Variants in NBAS observed in about 807,000 individuals in gnomAD.
NBAS encodes NAG/BC035112 fusion.
A neutral mutation model predicts 302.5 loss-of-function variants in NBAS; 219 were observed. The ratio of observed to expected loss-of-function variants is 0.72; its 90% confidence interval spans 0.65 to 0.81. The LOEUF is 0.81. Ranked by LOEUF, NBAS falls within the 30% of genes least tolerant of loss-of-function variation. The pLI is 0.00. For missense variants in NBAS, 2,932 were observed against 2,841.6 expected, an observed-to-expected ratio of 1.03 and a Z score of -0.72; for synonymous variants, 1,118 against 1,021.6, an observed-to-expected ratio of 1.09 and a Z score of -1.80.
At chr2:14,983,547 AT>A in the NBAS span, among the ~76,000 whole-genome samples, 17 of 152,334 alleles carry the variant, frequency 1.1e-4, no homozygotes, top group South Asian at 3.5e-3. Context: ...AAGGGCCCAA[AT>A]ATAAGTCCCC....
the NBAS span, among the ~76,000 whole-genome samples, chr2:15,084,815 C>A: frequency 6.6e-6 from 1 of 152,146 alleles, no homozygotes; most frequent in South Asian, 2.1e-4. Flanking sequence ...ATTTAGGCAA[C>A]GTGAAGCAAA....
intron 47 of NBAS, among the ~76,000 whole-genome samples, chr2:15,231,409 C>T (rs1667377091): frequency 6.6e-6 from 1 of 152,134 alleles, no homozygotes; most frequent in African/African-American, 2.4e-5. Flanking sequence ...ATGAAGGCAT[C>T]GGCATCTGAG....
chr2:15,524,231 G>A (rs930693570), intron 9 of NBAS, among the ~76,000 whole-genome samples: 3 of 152,144 alleles, frequency 2.0e-5, no homozygotes, highest in African/African-American at 4.8e-5. Flanking sequence ...TGCCCTATTC[G>A]GGAGACACGT....
the NBAS span, among the ~76,000 whole-genome samples, chr2:15,000,191 C>A: frequency 6.6e-6 from 1 of 152,210 alleles, no homozygotes; most frequent in Non-Finnish European, 1.5e-5. Context: ...CTTAATCTCA[C>A]TGGGCTGGGA....
At chr2:15,091,792 C>T in the NBAS span, among the ~76,000 whole-genome samples, 2 of 152,174 alleles carry the variant, frequency 1.3e-5, no homozygotes, top group Non-Finnish European at 2.9e-5. Context: ...CTCGGCCTCC[C>T]GAAGGGCTGG....
the NBAS span, among the ~76,000 whole-genome samples, chr2:15,107,214 T>C: frequency 1.3e-5 from 2 of 151,896 alleles, no homozygotes; most frequent in South Asian, 2.1e-4. Flanking sequence ...CTTATAAAAA[T>C]AGGGAGAGAA....
intron 26 of NBAS, among the ~76,000 whole-genome samples, chr2:15,397,045 T>C (rs1328427798): frequency 6.6e-6 from 1 of 151,980 alleles, no homozygotes; most frequent in Admixed American, 6.6e-5. Context: ...TAGTAGGGAG[T>C]GAAGGTGAAA....
At chr2:14,904,879 C>G in the NBAS span, among the ~76,000 whole-genome samples, 1 of 147,654 alleles carries the variant, frequency 6.8e-6, no homozygotes, top group Non-Finnish European at 1.5e-5. Flanking sequence ...GAAACGCTGT[C>G]TCTACTAAAA....
At chr2:15,348,919 G>T (rs1194204750) in intron 35 of NBAS, among the ~76,000 whole-genome samples, 1 of 152,144 alleles carries the variant, frequency 6.6e-6, no homozygotes, top group African/African-American at 2.4e-5. Context: ...AATGCTTAGG[G>T]AATATAGAGA....
intron 48 of NBAS, among the ~76,000 whole-genome samples, chr2:15,193,294 A>G (rs1347738980): frequency 6.6e-6 from 1 of 152,144 alleles, no homozygotes; most frequent in Non-Finnish European, 1.5e-5. Flanking sequence ...CCATTTGTGC[A>G]TGCTTGCATA....
At chr2:15,441,449 C>A (rs1214737632) in intron 21 of NBAS, among the ~76,000 whole-genome samples, 13 of 151,672 alleles carry the variant, frequency 8.6e-5, no homozygotes, top group African/African-American at 2.9e-4. Context: ...TACAGACAAG[C>A]AAATGCTGAG....
At chr2:15,187,960 G>T (rs1242637701) in intron 49 of NBAS, among the ~76,000 whole-genome samples, 1 of 152,196 alleles carries the variant, frequency 6.6e-6, no homozygotes, top group Non-Finnish European at 1.5e-5. Flanking sequence ...AGAGTGTCTG[G>T]TGTGCTGAGG....
chr2:15,355,014 G>A (rs551218330), intron 33 of NBAS, among the ~76,000 whole-genome samples: 11 of 152,152 alleles, frequency 7.2e-5, no homozygotes, highest in Non-Finnish European at 1.2e-4. Flanking sequence ...TATCCTTGCT[G>A]TATTCAGAGT....
intron 11 of NBAS, among the ~76,000 whole-genome samples, chr2:15,500,879 G>A (rs1227635353): frequency 4.0e-5 from 6 of 150,912 alleles, no homozygotes; most frequent in East Asian, 3.9e-4. Flanking sequence ...AGCCTAGATC[G>A]CGCCACTGCA....
chr2:14,781,570 C>T, the NBAS span, among the ~76,000 whole-genome samples: 1 of 152,080 alleles, frequency 6.6e-6, no homozygotes, highest in East Asian at 1.9e-4. Flanking sequence ...GGCAAGGCTG[C>T]AGCAGCCAAG....
In NBAS at chr2:15,475,751, C is replaced by G. The variant is rs1009539803; in HGVS notation, c.1277G>C (p.Cys426Ser). The change falls in exon 14 of 52, where the codon TGT becomes TCT. Residue 426 changes from cysteine to serine, a missense_variant. Cys to Ser is a moderately radical substitution (Grantham distance 112). Transcript: ENST00000281513. The stretch of plus-strand genomic sequence containing the variant: ...TTGAGGTGATGGTTCAAACCATTCA[C>G]AGGATTTTCCCAGTAAATTCTTCAA... The part of the protein sequence containing the change: ...KTLKNLLGKS[C>S]EWFEPSPQVT... 2.5e-6 allele frequency: 4 copies of G among 1,614,124 alleles called. No homozygotes were observed. Among genetic ancestry groups the G allele is most frequent in the Admixed American group, 1.7e-5 (1 of 60,020 alleles).
At chr2:14,920,281 T>A in the NBAS span, among the ~76,000 whole-genome samples, 1 of 152,124 alleles carries the variant, frequency 6.6e-6, no homozygotes, top group Non-Finnish European at 1.5e-5. Context: ...GTCTCAAGAG[T>A]TGGCTTAAAA....
chr2:15,209,345 C>T (rs913158920), intron 48 of NBAS, among the ~76,000 whole-genome samples: 1 of 152,060 alleles, frequency 6.6e-6, no homozygotes, highest in African/African-American at 2.4e-5. Flanking sequence ...AGCTTCACTG[C>T]AGAATTCTAC....
the NBAS span, among the ~76,000 whole-genome samples, chr2:14,838,122 C>T: frequency 4.0e-5 from 6 of 151,786 alleles, no homozygotes; most frequent in South Asian, 2.1e-4. Context: ...CACCTGATAA[C>T]GCTCATTTAT....
Sources: allele counts gnomAD v4.1 joint callset (sites outside exome capture counted in the v4.1 genomes callset), GRCh38; gene constraint gnomAD v4.1.1; transcripts MANE v1.5; gene names NCBI Gene and HGNC (gene_info 2026-07-23, HGNC 2026-07-21).